Variants in LRRC8C observed in about 807,000 individuals in gnomAD.
LRRC8C encodes volume-regulated anion channel subunit LRRC8C.
A neutral mutation model predicts 55.3 loss-of-function variants in LRRC8C; 20 were observed. The observed-to-expected ratio is 0.36, with a 90% CI of 0.25 to 0.53. The LOEUF (loss-of-function observed/expected upper bound fraction) is 0.53. Ranked by LOEUF, LRRC8C falls within the 20% of genes least tolerant of loss-of-function variation. LRRC8C has a pLI of 0.92. For missense variants in LRRC8C, 659 were observed against 951.4 expected (o/e 0.69, Z 4.04); for synonymous variants, 376 against 360.7 (o/e 1.04, Z -0.48).
intron 2 of LRRC8C, among the ~76,000 whole-genome samples, chr1:89,694,443 T>C (rs116042184): frequency 0.023 from 3,533 of 152,212 alleles, 162 homozygotes; most frequent in African/African-American, 0.082. Context: ...CTGCTTCATT[T>C]TGTTTCGTTT....
chr1:89,664,780 G>T (rs1657211775), intron 1 of LRRC8C, among the ~76,000 whole-genome samples: 1 of 152,162 alleles, frequency 6.6e-6, no homozygotes, highest in Admixed American at 6.5e-5. Context: ...CATGAGCATG[G>T]AATGTTTTTC....
At chr1:89,691,019 G>T (rs191197837) in intron 2 of LRRC8C, among the ~76,000 whole-genome samples, 2 of 152,304 alleles carry the variant, frequency 1.3e-5, no homozygotes, top group Admixed American at 6.5e-5. Context: ...GAATATGAAG[G>T]CTGCAGGGCA....
rs371828858 is a variant in LRRC8C, at chr1:89,686,595, T to A, written c.122T>A (p.Phe41Tyr). The change falls in exon 2 of 3, where the codon TTT becomes TAT. Residue 41 changes from phenylalanine to tyrosine, a missense_variant. By Grantham distance (22) the Phe-to-Tyr change is conservative. Coordinates refer to ENST00000370454, the MANE Select transcript of LRRC8C (RefSeq NM_032270.5). ...GTAGCCATGCTCATGATCGGCGTGT[T>A]TGGATGTACTTTACAGGTAGGTGCC... ...LSVAMLMIGV[F>Y]GCTLQVMQDK... is the part of the protein sequence containing the mutation. 1 of 1,614,012 alleles carries A rather than the reference T, an allele frequency of 6.2e-7. No individual in the cohort carries two copies. The highest frequency in any genetic ancestry group is 1.3e-5 in the African/African-American group (1 of 74,920).
At chr1:89,667,889 G>C (rs1234110116) in intron 1 of LRRC8C, among the ~76,000 whole-genome samples, 3 of 152,042 alleles carry the variant, frequency 2.0e-5, no homozygotes, top group African/African-American at 7.2e-5. Flanking sequence ...AACATTGTGG[G>C]ACCTGAATGG....
intron 1 of LRRC8C, among the ~76,000 whole-genome samples, chr1:89,683,366 T>A (rs555139345): frequency 0.01 from 1,562 of 150,918 alleles, 41 homozygotes; most frequent in African/African-American, 0.037. Flanking sequence ...AGACTAATTT[T>A]TTTTTTTTTT....
At chr1:89,679,213 C>T (rs1380369050) in intron 1 of LRRC8C, among the ~76,000 whole-genome samples, 2 of 152,006 alleles carry the variant, frequency 1.3e-5, no homozygotes, top group Non-Finnish European at 2.9e-5. Context: ...CTTTAAAAGC[C>T]AAGGGAGAAA....
chr1:89,665,665 G>A (rs1657239810), intron 1 of LRRC8C, among the ~76,000 whole-genome samples: 1 of 152,116 alleles, frequency 6.6e-6, no homozygotes, highest in Non-Finnish European at 1.5e-5. Context: ...CAAAAAAGTT[G>A]CAGTAACCTA....
chr1:89,708,092 T>TC (rs540527655), intron 2 of LRRC8C, among the ~76,000 whole-genome samples: 1 of 151,936 alleles, frequency 6.6e-6, no homozygotes, highest in Admixed American at 6.6e-5. Flanking sequence ...TCTTCACTTC[T>TC]CCCCCCAGTT....
chr1:89,685,351 A>G lies in LRRC8C; in HGVS notation c.-4-1119A>G, dbSNP rs567493880. Reference sequence around the variant, plus strand: ...AGGATGGTCTTGATCTCCTGACCTCATGATCCACCCGCCTCGGCCTCCCAA... The same window carrying G: ...AGGATGGTCTTGATCTCCTGACCTCGTGATCCACCCGCCTCGGCCTCCCAA... On this transcript the variant is annotated intron_variant, in intron 1 of 2. Transcript: ENST00000370454. Among the ~76,000 whole-genome samples the G allele has an allele frequency of 2.5e-3, 373 of 147,148 alleles. 4 individuals are homozygous for G. The highest frequency in any genetic ancestry group is 3.3e-3 in the African/African-American group (130 of 39,388).
chr1:89,649,400 G>A (rs1205231141), intron 1 of LRRC8C, among the ~76,000 whole-genome samples: 1 of 152,142 alleles, frequency 6.6e-6, no homozygotes, highest in Non-Finnish European at 1.5e-5. Context: ...AAGCTGACAG[G>A]GTAGCTAGTT....
rs1658829480 is a variant in LRRC8C, at chr1:89,716,616, C to T, written c.*1634C>T. On this transcript the variant is annotated 3_prime_UTR_variant, in exon 3 of 3. Transcript: ENST00000370454. ...GAAAATGAAATACACTATTTGTGCCCTTGACCTAGAACCAGAACCACTAAT... is the reference window on the plus strand; with the variant it reads ...GAAAATGAAATACACTATTTGTGCCTTTGACCTAGAACCAGAACCACTAAT... The T allele has an allele frequency of 6.6e-6, 1 of 152,138 alleles. No homozygotes were observed. The highest frequency in any genetic ancestry group is 2.4e-5 in the African/African-American group (1 of 41,424). 9.4% of individuals were successfully genotyped at this position (152,138 alleles called of 1,614,324 possible). A position where few individuals can be genotyped will look rare whatever the true frequency, so the allele number is the denominator to read the frequency against.
Position 89,713,286 on chromosome 1 carries a change from A to C in LRRC8C, c.716A>C (p.Lys239Thr). ...ALDKKEGEQA[K>T]ALFEKVKKFR... is the part of the protein sequence containing the mutation. ...GATAAAAAGGAAGGTGAGCAGGCTA[A>C]GGCCTTATTTGAGAAGGTGAAGAAG... The change falls in exon 3 of 3, where the codon AAG becomes ACG. Residue 239 changes from lysine to threonine, a missense_variant. Around this residue, in one of 5 missense-constraint regions of LRRC8C, gnomAD observed 200 missense variants for 360.5 expected, o/e 0.55. Coordinates refer to ENST00000370454, the MANE Select transcript of LRRC8C (RefSeq NM_032270.5). This position sits in a 1 kb window ranked among gnomAD's most constrained non-coding sequence, Gnocchi z 5.2. The C allele has an allele frequency of 6.2e-7, 1 of 1,614,248 alleles. No homozygotes were observed.
intron 2 of LRRC8C, chr1:89,706,378 A>G (rs1175221443): frequency 2.2e-6 from 1 of 455,388 alleles, no homozygotes; most frequent in East Asian, 6.9e-5. Context: ...CAAATGTGGT[A>G]CCTTTTCAAC....
At chr1:89,673,475 A>G (rs1023016014) in intron 1 of LRRC8C, among the ~76,000 whole-genome samples, 3 of 152,208 alleles carry the variant, frequency 2.0e-5, no homozygotes, top group African/African-American at 7.2e-5. Flanking sequence ...TAGCAACTCC[A>G]AGTGATTTCA....
Position 89,707,613 on chromosome 1 carries a change from T to C in LRRC8C, c.139-5096T>C, listed in dbSNP as rs1408543846. 4.0e-5 allele frequency among the ~76,000 whole-genome samples: 6 copies of C among 151,148 alleles called. No individual in the cohort carries two copies. In the East Asian group the frequency reaches 5.8e-4, roughly 15 times the overall value. On this transcript the variant is annotated intron_variant, in intron 2 of 2. Coordinates refer to ENST00000370454, the MANE Select transcript of LRRC8C (RefSeq NM_032270.5). Reference sequence around the variant, plus strand: ...GAAATTTGCTGTGATTTCTACAAAATGCATTCATAAAAGGTGTGGCTGGTG... The same window carrying C: ...GAAATTTGCTGTGATTTCTACAAAACGCATTCATAAAAGGTGTGGCTGGTG...
chr1:89,694,244 C>T (rs1658104930), intron 2 of LRRC8C, among the ~76,000 whole-genome samples: 1 of 151,912 alleles, frequency 6.6e-6, no homozygotes, highest in Admixed American at 6.6e-5. Context: ...ATCACCTTGA[C>T]AATTTTATGT....
At chr1:89,631,230 G>A (rs529469344), upstream of LRRC8C, among the ~76,000 whole-genome samples, 1 of 152,128 alleles carries the variant, frequency 6.6e-6, no homozygotes, top group Non-Finnish European at 1.5e-5. Flanking sequence ...TACCTATAGG[G>A]ATGATAAGGG....
chr1:89,701,176 C>T (rs17130856), intron 2 of LRRC8C, among the ~76,000 whole-genome samples: 7,100 of 151,780 alleles, frequency 0.047, 549 homozygotes, highest in African/African-American at 0.16. Flanking sequence ...GATTATAGTT[C>T]ATAGAAAAAG....
intron 1 of LRRC8C, among the ~76,000 whole-genome samples, chr1:89,665,568 C>T (rs1415164995): frequency 1.3e-5 from 2 of 151,914 alleles, no homozygotes; most frequent in South Asian, 2.1e-4. Context: ...TATATTTTTG[C>T]GCAGCTATAA....
Sources: allele counts gnomAD v4.1 joint callset (sites outside exome capture counted in the v4.1 genomes callset), GRCh38; gene constraint gnomAD v4.1.1; regional missense constraint gnomAD v4.1.1; non-coding constraint Gnocchi (gnomAD v3.1); transcripts MANE v1.5; gene names NCBI Gene and HGNC (gene_info 2026-07-23, HGNC 2026-07-21).